The following SLC39A11 variants were observed in gnomAD, a reference collection of about 807,000 sequenced individuals.
SLC39A11 encodes the protein zinc transporter ZIP11.
SLC39A11 carries 33 observed loss-of-function variants against 36.1 expected under a neutral mutation model. The observed-to-expected ratio is 0.91, with a 90% CI of 0.69 to 1.22. The LOEUF (loss-of-function observed/expected upper bound fraction) is 1.22. Among genes scored for constraint, SLC39A11 ranks in the 50% most tolerant of loss-of-function variants. The pLI is 0.00. For synonymous variants in SLC39A11, 166 were observed against 170.3 expected (o/e 0.97, Z 0.20); for missense variants, 432 against 430.3 (o/e 1.00, Z -0.03).
intron 4 of SLC39A11, among the ~76,000 whole-genome samples, chr17:73,030,652 G>GC (rs2058708889): frequency 6.6e-6 from 1 of 152,214 alleles, no homozygotes; most frequent in African/African-American, 2.4e-5. Context: ...GGGAACTCTG[G>GC]CACCAGTTCA....
chr17:72,654,687 A>G (rs189915358), intron 7 of SLC39A11, among the ~76,000 whole-genome samples: 55 of 152,240 alleles, frequency 3.6e-4, no homozygotes, highest in African/African-American at 1.3e-3. Context: ...TTTCTTTCCA[A>G]TGAGGAAGGC....
At chr17:73,074,471 G>C (rs1467739406) in intron 3 of SLC39A11, among the ~76,000 whole-genome samples, 3 of 151,986 alleles carry the variant, frequency 2.0e-5, no homozygotes, top group Admixed American at 2.0e-4. Context: ...CTAATTTTTT[G>C]TATTTTTAGT....
chr17:73,091,359 G>A (rs757500309), intron 1 of SLC39A11, among the ~76,000 whole-genome samples: 33 of 152,020 alleles, frequency 2.2e-4, no homozygotes, highest in Non-Finnish European at 3.8e-4. Flanking sequence ...AGGAGTAATC[G>A]CTTGAACCCG....
chr17:73,081,944 C>G (rs979987041), intron 3 of SLC39A11, among the ~76,000 whole-genome samples: 1 of 150,802 alleles, frequency 6.6e-6, no homozygotes, highest in Non-Finnish European at 1.5e-5. Flanking sequence ...ACAATGGACT[C>G]TGGGAATCTG....
At chr17:72,890,288 A>AC (rs2081661769) in intron 5 of SLC39A11, among the ~76,000 whole-genome samples, 6 of 149,192 alleles carry the variant, frequency 4.0e-5, no homozygotes, top group Admixed American at 1.3e-4. Context: ...CAACAACAAA[A>AC]AAAAAAAAAA....
intron 5 of SLC39A11, among the ~76,000 whole-genome samples, chr17:72,945,313 C>A (rs778755075): frequency 6.6e-6 from 1 of 152,118 alleles, no homozygotes; most frequent in Non-Finnish European, 1.5e-5. Flanking sequence ...TTCCTCTGGT[C>A]GAACCAATTA....
chr17:73,004,742 T>A (rs1164034005), intron 4 of SLC39A11, among the ~76,000 whole-genome samples: 3 of 152,170 alleles, frequency 2.0e-5, no homozygotes, highest in Non-Finnish European at 4.4e-5. Context: ...CAACAATCTC[T>A]CTGAGAAAAA....
At chr17:73,041,019 A>AAAAAAG (rs2059095790) in intron 3 of SLC39A11, among the ~76,000 whole-genome samples, 1 of 151,938 alleles carries the variant, frequency 6.6e-6, no homozygotes, top group African/African-American at 2.4e-5. Flanking sequence ...CAAAAAAAAA[A>AAAAAAG]AACAGTATTA....
intron 5 of SLC39A11, among the ~76,000 whole-genome samples, chr17:72,897,297 G>A (rs974326440): frequency 2.2e-4 from 33 of 152,256 alleles, no homozygotes; most frequent in Admixed American, 5.9e-4. Flanking sequence ...TCTAATATGA[G>A]AACCACAAGC....
At chr17:72,845,420 C>T (rs983969320) in intron 6 of SLC39A11, among the ~76,000 whole-genome samples, 1 of 152,164 alleles carries the variant, frequency 6.6e-6, no homozygotes, top group Non-Finnish European at 1.5e-5. Context: ...TGGCTGTTCC[C>T]TCTGCCTAAA....
chr17:72,984,833 G>A (rs969347236), intron 4 of SLC39A11, among the ~76,000 whole-genome samples: 2 of 152,214 alleles, frequency 1.3e-5, no homozygotes, highest in Admixed American at 1.3e-4. Flanking sequence ...AATGAATAAG[G>A]AGGAAGGCCA....
rs145922024 is a variant in SLC39A11 at position 72,849,698 on chromosome 17, G to A, written c.537C>T (p.Pro179=). The A allele has an allele frequency of 6.8e-5, 110 of 1,610,324 alleles. No homozygotes were observed. The highest frequency in any genetic ancestry group is 5.6e-4 in the African/African-American group (42 of 74,704). ...PVPSRGNLAQ[P]GGSSWRRIAL... ...CGATCCTCCTCCAGCTGCTGCCGCC[G>A]GGCTGTGCCAGATTCCCTCGAGAAG... The change falls in exon 6 of 10, where the codon CCC becomes CCT. Residue 179 remains proline (P), a synonymous_variant. Coordinates refer to ENST00000255559, the MANE Select transcript of SLC39A11 (RefSeq NM_139177.4).
At chr17:73,018,238 A>G (rs1364478173) in intron 4 of SLC39A11, among the ~76,000 whole-genome samples, 1 of 152,214 alleles carries the variant, frequency 6.6e-6, no homozygotes, top group Non-Finnish European at 1.5e-5. Context: ...GACAATGTCC[A>G]ATATACAATA....
At chr17:73,045,598 G>C (rs74352059) in intron 3 of SLC39A11, among the ~76,000 whole-genome samples, 1 of 151,930 alleles carries the variant, frequency 6.6e-6, no homozygotes, top group Non-Finnish European at 1.5e-5. Context: ...GTCTAATAAC[G>C]CTTAGGCTTT....
chr17:72,918,533 A>G (rs1282696364), intron 5 of SLC39A11, among the ~76,000 whole-genome samples: 1 of 152,250 alleles, frequency 6.6e-6, no homozygotes, highest in African/African-American at 2.4e-5. Flanking sequence ...GGCGCAAGAC[A>G]GTGCTCTCAG....
chr17:73,073,025 C>A (rs561861343), intron 3 of SLC39A11, among the ~76,000 whole-genome samples: 280 of 152,194 alleles, frequency 1.8e-3, no homozygotes, highest in African/African-American at 6.3e-3. Flanking sequence ...ACTAAAAATA[C>A]AAAAATTAGC....
At chr17:73,063,539 C>A (rs550137311) in intron 3 of SLC39A11, among the ~76,000 whole-genome samples, 1 of 151,864 alleles carries the variant, frequency 6.6e-6, no homozygotes, top group African/African-American at 2.4e-5. Flanking sequence ...CACTTGAACC[C>A]GGGAGGCAGA....
In SLC39A11 at chr17:72,840,534, G is replaced by A. The variant is rs145290617; in HGVS notation, c.601+9100C>T. On this transcript the variant is annotated intron_variant, in intron 6 of 9. Coordinates refer to ENST00000255559, the MANE Select transcript of SLC39A11 (RefSeq NM_139177.4). ...AGCACTCTGGGAAGCCAAGGTGGGC[G>A]GATCACCTGAGGTCAGGAGTTTGAG... Among the ~76,000 whole-genome samples, 1,183 of 152,250 alleles carry A rather than the reference G, an allele frequency of 7.8e-3. 17 individuals carry two copies. The highest frequency in any genetic ancestry group is 0.027 in the African/African-American group (1,132 of 41,542).
At chr17:72,958,909 G>A (rs867064527) in intron 4 of SLC39A11, among the ~76,000 whole-genome samples, 5 of 147,988 alleles carry the variant, frequency 3.4e-5, no homozygotes, top group African/African-American at 7.4e-5. Flanking sequence ...AGAAACATAC[G>A]AAAAAATGCT....
Sources: allele counts gnomAD v4.1 joint callset (sites outside exome capture counted in the v4.1 genomes callset), GRCh38; gene constraint gnomAD v4.1.1; transcripts MANE v1.5; gene names NCBI Gene and HGNC (gene_info 2026-07-23, HGNC 2026-07-21).